Variants in PPP1R1C observed in about 807,000 individuals in gnomAD.
PPP1R1C encodes protein phosphatase 1 regulatory subunit 1C.
In PPP1R1C, 15 loss-of-function variants were observed where a neutral mutation model predicts 17.4. The ratio of observed to expected loss-of-function variants is 0.86; its 90% CI spans 0.58 to 1.33. The LOEUF (loss-of-function observed/expected upper bound fraction) is 1.33, where lower values mean the gene tolerates loss of function less well. Ranked by LOEUF, PPP1R1C falls within the 40% of genes most tolerant of loss-of-function variation. The pLI, the probability that PPP1R1C is intolerant of heterozygous loss-of-function variation, is 0.00. For missense variants in PPP1R1C, 143 were observed against 130.0 expected, an observed-to-expected ratio of 1.10 and a Z score of -0.48; for synonymous variants, 35 against 43.1, an observed-to-expected ratio of 0.81 and a Z score of 0.73.
chr2:182,038,136 C>T (rs1426900808), intron 2 of PPP1R1C, among the ~76,000 whole-genome samples: 1 of 152,090 alleles, frequency 6.6e-6, no homozygotes, highest in African/African-American at 2.4e-5. Context: ...TTCCTGGGCT[C>T]ATTCCATCCT....
intron 5 of PPP1R1C, among the ~76,000 whole-genome samples, chr2:182,125,554 A>G (rs1449437369): frequency 1.3e-5 from 2 of 152,084 alleles, no homozygotes; most frequent in East Asian, 3.9e-4. Flanking sequence ...TAGGGTATTA[A>G]TTACTGCCTC....
chr2:182,100,688 A>C (rs1273922813), intron 4 of PPP1R1C, among the ~76,000 whole-genome samples: 1 of 152,198 alleles, frequency 6.6e-6, no homozygotes, highest in Non-Finnish European at 1.5e-5. Context: ...ACCTCAGGAA[A>C]TAAAGGCTGC....
downstream of PPP1R1C, among the ~76,000 whole-genome samples, chr2:182,120,627 T>C (rs530256248): frequency 2.6e-5 from 4 of 152,338 alleles, no homozygotes; most frequent in South Asian, 8.3e-4. Context: ...TTGAATTACT[T>C]GTGTTTGGAA....
chr2:182,106,684 A>G (rs1036022830), intron 4 of PPP1R1C, among the ~76,000 whole-genome samples: 4 of 152,222 alleles, frequency 2.6e-5, no homozygotes, highest in Admixed American at 2.0e-4. Flanking sequence ...TGTCTTTGCC[A>G]TAAGGCATGG....
intron 4 of PPP1R1C, among the ~76,000 whole-genome samples, chr2:182,108,655 A>T (rs770980389): frequency 6.6e-6 from 1 of 151,766 alleles, no homozygotes; most frequent in Non-Finnish European, 1.5e-5. Context: ...TCTTCATCTA[A>T]ATCTTCCCCA....
chr2:181,993,818 G>A (rs1490433134), intron 2 of PPP1R1C, among the ~76,000 whole-genome samples: 2 of 152,024 alleles, frequency 1.3e-5, no homozygotes, highest in African/African-American at 4.8e-5. Context: ...GTGAGCCAAA[G>A]ATGAGGTTCC....
intron 4 of PPP1R1C, among the ~76,000 whole-genome samples, chr2:182,070,897 AG>A (rs1379174268): frequency 1.3e-5 from 2 of 152,060 alleles, no homozygotes; most frequent in East Asian, 1.9e-4. Context: ...GAGAGGGAGG[AG>A]GGGGTGCTAC....
downstream of PPP1R1C, among the ~76,000 whole-genome samples, chr2:182,122,465 G>A (rs545988337): frequency 1.3e-5 from 2 of 152,134 alleles, no homozygotes; most frequent in Admixed American, 1.3e-4. Context: ...TATATTTTAG[G>A]TTTATTTAAA....
intron 2 of PPP1R1C, chr2:182,023,851 G>A (rs1303743238): frequency 1.3e-5 from 2 of 151,942 alleles, no homozygotes; most frequent in African/African-American, 4.8e-5. Flanking sequence ...TGCCAGGCTG[G>A]TCTTGAACTC....
intron 4 of PPP1R1C, among the ~76,000 whole-genome samples, chr2:182,068,390 TGA>T (rs780238729): frequency 1.1e-4 from 16 of 152,166 alleles, no homozygotes; most frequent in Non-Finnish European, 2.4e-4. Context: ...GGAATGATTT[TGA>T]GAGAGACAGA....
At chr2:182,025,122 A>G (rs1167996639) in intron 2 of PPP1R1C, among the ~76,000 whole-genome samples, 1 of 150,024 alleles carries the variant, frequency 6.7e-6, no homozygotes, top group African/African-American at 2.4e-5. Context: ...GCAATTATTG[A>G]CTTAAAGAGT....
downstream of PPP1R1C, chr2:182,130,391 G>T (rs1172518106): frequency 3.3e-5 from 5 of 152,094 alleles, no homozygotes; most frequent in Non-Finnish European, 7.4e-5. Context: ...ACTTAATGAG[G>T]AGCCAAAGAC....
At chr2:182,032,134 A>C (rs1481050191) in intron 2 of PPP1R1C, among the ~76,000 whole-genome samples, 1 of 152,252 alleles carries the variant, frequency 6.6e-6, no homozygotes, top group Non-Finnish European at 1.5e-5. Context: ...ATAAACATGG[A>C]AACTGGCCTT....
chr2:181,986,316 C>G, intron 1 of PPP1R1C, 125 bp downstream of exon 1: 1 of 752,162 alleles, frequency 1.3e-6, no homozygotes, highest in Non-Finnish European at 2.3e-6. Flanking sequence ...ATAATGTAAA[C>G]AAGAAATAAG....
intron 2 of PPP1R1C, among the ~76,000 whole-genome samples, chr2:182,024,251 A>T (rs969603583): frequency 6.6e-6 from 1 of 152,238 alleles, no homozygotes; most frequent in Non-Finnish European, 1.5e-5. Context: ...TTGTGAGTGT[A>T]TATCAATCCT....
intron 4 of PPP1R1C, among the ~76,000 whole-genome samples, chr2:182,065,840 C>G (rs1687969113): frequency 6.6e-6 from 1 of 152,140 alleles, no homozygotes; most frequent in African/African-American, 2.4e-5. Context: ...TTCAAGATAT[C>G]TATTAGGTCT....
chr2:182,106,646 C>A (rs1689262471), intron 4 of PPP1R1C, among the ~76,000 whole-genome samples: 1 of 152,166 alleles, frequency 6.6e-6, no homozygotes, highest in Non-Finnish European at 1.5e-5. Context: ...TACACTTGGG[C>A]AAGAATCCCC....
At chr2:182,119,408 T>C (rs536007035), downstream of PPP1R1C, among the ~76,000 whole-genome samples, 1 of 152,214 alleles carries the variant, frequency 6.6e-6, no homozygotes, top group Non-Finnish European at 1.5e-5. Flanking sequence ...TATAATCCTT[T>C]GGGTATATAC....
intron 2 of PPP1R1C, 65 bp from the exon 3 acceptor site, chr2:182,061,377 G>A (rs1317957119): frequency 9.2e-7 from 1 of 1,083,046 alleles, no homozygotes; most frequent in Admixed American, 3.0e-5. Flanking sequence ...TGTTGAAAAT[G>A]TTAATATATA....
Sources: gnomAD v4.1 joint callset for allele counts (sites outside exome capture counted in the v4.1 genomes callset) on GRCh38, gnomAD v4.1.1 for gene constraint, MANE v1.5 for transcripts, NCBI Gene and HGNC (gene_info 2026-07-23, HGNC 2026-07-21) for gene names.